The following SRRM4 variants were observed in gnomAD, a reference collection of about 807,000 sequenced individuals.
SRRM4 encodes serine/arginine repetitive matrix protein 4.
In SRRM4, 33 loss-of-function variants were observed where a neutral mutation model predicts 68.9. That is an observed-to-expected ratio of 0.48 (90% CI 0.36 to 0.64). The LOEUF is 0.64. Among genes scored for constraint, SRRM4 ranks in the 30% least tolerant of loss-of-function variants. The pLI is 0.00. For synonymous variants in SRRM4, 318 were observed against 318.8 expected (o/e 1.00, Z 0.03); for missense variants, 817 against 827.1 (o/e 0.99, Z 0.15).
intron 1 of SRRM4, among the ~76,000 whole-genome samples, chr12:119,039,904 C>A (rs1254359178): frequency 6.6e-6 from 1 of 152,080 alleles, no homozygotes; most frequent in African/African-American, 2.4e-5. Context: ...CAGGAAACAG[C>A]AGGTGAAGCA....
intron 6 of SRRM4, among the ~76,000 whole-genome samples, chr12:119,124,648 A>G (rs1463051688): frequency 6.6e-6 from 1 of 152,202 alleles, no homozygotes; most frequent in Non-Finnish European, 1.5e-5. Flanking sequence ...TGTTAGTGGT[A>G]GTGGTAGTAA....
chr12:119,141,311 T>A (rs1261992381), intron 8 of SRRM4, among the ~76,000 whole-genome samples: 1 of 152,248 alleles, frequency 6.6e-6, no homozygotes, highest in African/African-American at 2.4e-5. Flanking sequence ...TGGATATCTA[T>A]CTCTATTACC....
rs113807812 is a variant in SRRM4 at position 119,007,825 on chromosome 12, C to T, written c.131+25812C>T. 4.0e-3 allele frequency among the ~76,000 whole-genome samples: 613 copies of T among 152,236 alleles called. 8 individuals are homozygous for T. Among genetic ancestry groups the T allele is most frequent in the African/African-American group, 0.014 (575 of 41,544 alleles). On this transcript the variant is annotated intron_variant, in intron 1 of 12. Transcript: ENST00000267260. ...AATCCCACTCCAAGAGGGGCTCAGA[C>T]GAGTGTTGCTTTTTGGTGGTTGTTT...
intron 1 of SRRM4, among the ~76,000 whole-genome samples, chr12:119,021,682 G>A (rs563394801): frequency 2.4e-4 from 37 of 152,280 alleles, no homozygotes; most frequent in African/African-American, 5.5e-4. Context: ...ATGTGCTTGC[G>A]ACTTCATTGA....
chr12:119,009,751 G>C (rs188217151), intron 1 of SRRM4, among the ~76,000 whole-genome samples: 1 of 152,306 alleles, frequency 6.6e-6, no homozygotes, highest in East Asian at 1.9e-4. Context: ...CACTGTGCTA[G>C]GAGTCAGGGA....
In SRRM4 at chr12:119,077,775, T is replaced by C. The variant is rs1484688256; in HGVS notation, c.132-24461T>C. On this transcript the variant is annotated intron_variant, in intron 1 of 12. Coordinates refer to ENST00000267260, the MANE Select transcript of SRRM4 (RefSeq NM_194286.4). ...ACACAGTAGCTATCCCATAAATATT[T>C]GTTCAATGAATGAACAAATGAAGGA... 2.6e-5 allele frequency among the ~76,000 whole-genome samples: 4 copies of C among 152,216 alleles called. 1 individual carries two copies. Among genetic ancestry groups the C allele is most frequent in the African/African-American group, 4.8e-5 (2 of 41,468 alleles).
At position 119,125,460 on chromosome 12, in the gene SRRM4, C is replaced by A; in HGVS notation, c.595C>A (p.Pro199Thr). 1 of 1,607,314 alleles carries A rather than the reference C, an allele frequency of 6.2e-7. No individual in the cohort carries two copies. Among genetic ancestry groups the A allele is most frequent in the Non-Finnish European group, 8.5e-7 (1 of 1,177,362 alleles). The change falls in exon 7 of 13, where the codon CCC becomes ACC. Residue 199 changes from proline (P) to threonine (T), a missense_variant. Pro to Thr is a conservative substitution (Grantham distance 38). Coordinates refer to ENST00000267260, the MANE Select transcript of SRRM4 (RefSeq NM_194286.4). ...PSRSQSSESR[P>T]SSCESRHRGR... ...GCGGTCCCAGAGCTCGGAGTCCCGC[C>A]CCTCAAGCTGTGAGAGCAGGTAACC...
intron 1 of SRRM4, among the ~76,000 whole-genome samples, chr12:119,101,358 C>G (rs1381789766): frequency 1.3e-5 from 2 of 152,078 alleles, no homozygotes; most frequent in African/African-American, 2.4e-5. Context: ...AGACGTGGGA[C>G]TCATAGACGA....
chr12:119,099,628 G>A (rs1204096625), intron 1 of SRRM4, among the ~76,000 whole-genome samples: 1 of 152,248 alleles, frequency 6.6e-6, no homozygotes, highest in African/African-American at 2.4e-5. Flanking sequence ...ATTTGGCTGA[G>A]TGGTTCTAAC....
Position 119,130,719 on chromosome 12 carries a change from G to A in SRRM4, c.656G>A (p.Arg219Gln), listed in dbSNP as rs559217766. 51 of 1,610,714 alleles carry A rather than the reference G, an allele frequency of 3.2e-5. No individual in the cohort carries two copies. Among genetic ancestry groups the A allele is most frequent in the East Asian group, 2.5e-4 (11 of 44,836 alleles). The change falls in exon 8 of 13, where the codon CGA becomes CAA. Residue 219 changes from arginine (R) to glutamine (Q), a missense_variant. Arg to Gln is a conservative substitution (Grantham distance 43). Coordinates refer to ENST00000267260, the MANE Select transcript of SRRM4 (RefSeq NM_194286.4). The part of the protein sequence containing the change: ...RSPEEGQKSR[R>Q]RHSRRCSKTL... The stretch of plus-strand genomic sequence containing the variant: ...CCTGAGGAAGGGCAGAAGTCCCGCC[G>A]AAGGCACTCCCGCCGCTGCTCCAAG...
Position 119,052,499 on chromosome 12 carries a change from T to TTTG in SRRM4, c.132-49716_132-49714dup, listed in dbSNP as rs532493541. On this transcript the variant is annotated intron_variant, in intron 1 of 12. Transcript: ENST00000267260. ...ATTACCTAGGATGTTTAACTGCTTT[T>TTTG]TTGTTGTTGTTGTTGTTGTTGTTTT... 3.1e-3 allele frequency among the ~76,000 whole-genome samples: 469 copies of TTTG among 151,708 alleles called. 3 individuals are homozygous for TTTG. The highest frequency in any genetic ancestry group is 0.012 in the South Asian group (57 of 4,758).
intron 1 of SRRM4, among the ~76,000 whole-genome samples, chr12:119,020,898 T>C (rs1409312109): frequency 6.6e-6 from 1 of 152,148 alleles, no homozygotes; most frequent in Non-Finnish European, 1.5e-5. Flanking sequence ...AGAATAGCCC[T>C]AATGGGTAGA....
In SRRM4 at chr12:119,154,907, G is replaced by A. The variant is rs1021106480; in HGVS notation, c.1532+524G>A. Among the ~76,000 whole-genome samples the A allele has an allele frequency of 2.6e-5, 4 of 152,176 alleles. No individual in the cohort carries two copies. Among genetic ancestry groups the A allele is most frequent in the African/African-American group, 9.7e-5 (4 of 41,432 alleles). ...AAACAGGATTGCTTAGTTCCCAAAG[G>A]GACCTAGAGGGAGCCACGGTGGATA... is the stretch of plus-strand genomic sequence containing the variant. On this transcript the variant is annotated intron_variant, in intron 12 of 12. Coordinates refer to ENST00000267260, the MANE Select transcript of SRRM4 (RefSeq NM_194286.4). This position sits in a 1 kb window ranked among gnomAD's most constrained non-coding sequence, Gnocchi z 4.7.
At chr12:119,137,798 G>A (rs541468046) in intron 8 of SRRM4, among the ~76,000 whole-genome samples, 1 of 152,260 alleles carries the variant, frequency 6.6e-6, no homozygotes, top group Admixed American at 6.5e-5. Context: ...GAGAGAAAGA[G>A]TTTATAATAA....
At chr12:119,076,037 AT>A (rs1798495350) in intron 1 of SRRM4, among the ~76,000 whole-genome samples, 1 of 151,654 alleles carries the variant, frequency 6.6e-6, no homozygotes, top group East Asian at 1.9e-4. Flanking sequence ...GGTGATGGTG[AT>A]GATGATAGTG....
intron 1 of SRRM4, among the ~76,000 whole-genome samples, chr12:119,045,450 C>T (rs1018444272): frequency 6.6e-6 from 1 of 151,892 alleles, no homozygotes. Context: ...GTCTCTGCCC[C>T]CTATGCCCCA....
chr12:119,083,193 C>A (rs1404565367), intron 1 of SRRM4, among the ~76,000 whole-genome samples: 2 of 151,986 alleles, frequency 1.3e-5, no homozygotes, highest in Non-Finnish European at 2.9e-5. Flanking sequence ...CATTTCCCCC[C>A]AACCACCCAC....
chr12:119,005,848 G>A (rs1953412822), intron 1 of SRRM4, among the ~76,000 whole-genome samples: 1 of 152,158 alleles, frequency 6.6e-6, no homozygotes, highest in Non-Finnish European at 1.5e-5. Flanking sequence ...ATCCATTGAT[G>A]GTTGAATTAG....
At chr12:119,009,409 C>T (rs1953435647) in intron 1 of SRRM4, among the ~76,000 whole-genome samples, 1 of 152,206 alleles carries the variant, frequency 6.6e-6, no homozygotes, top group African/African-American at 2.4e-5. Context: ...CTCTCCCACT[C>T]AGGGGCTGAA....
Sources: allele counts gnomAD v4.1 joint callset (sites outside exome capture counted in the v4.1 genomes callset), GRCh38; gene constraint gnomAD v4.1.1; non-coding constraint Gnocchi (gnomAD v3.1); transcripts MANE v1.5; gene names NCBI Gene and HGNC (gene_info 2026-07-23, HGNC 2026-07-21).